Variants in MYO5B observed in about 807,000 individuals in gnomAD.
MYO5B encodes the protein myosin VB.
MYO5B carries 143 observed loss-of-function variants against 229.3 expected under a neutral mutation model. The observed-to-expected ratio is 0.62, with a 90% confidence interval of 0.54 to 0.72. The LOEUF is 0.72. Among genes scored for constraint, MYO5B ranks in the 30% least tolerant of loss-of-function variants. MYO5B has a pLI of 0.00. For synonymous variants in MYO5B, 918 were observed against 885.2 expected, an observed-to-expected ratio of 1.04 and a Z score of -0.66; for missense variants, 2,321 against 2,331.0, an observed-to-expected ratio of 1.00 and a Z score of 0.09.
chr18:49,968,537 C>A (rs1364782381), intron 10 of MYO5B, among the ~76,000 whole-genome samples: 1 of 152,144 alleles, frequency 6.6e-6, no homozygotes, highest in Non-Finnish European at 1.5e-5. Context: ...GGGGTGATTA[C>A]CCTTATCTTG....
intron 22 of MYO5B, among the ~76,000 whole-genome samples, chr18:49,891,337 C>T (rs1481864932): frequency 1.3e-5 from 2 of 152,238 alleles, no homozygotes; most frequent in Non-Finnish European, 2.9e-5. Context: ...GGTCACCCTC[C>T]ATCCCCTTTA....
intron 1 of MYO5B, among the ~76,000 whole-genome samples, chr18:50,188,811 A>C (rs1001652733): frequency 3.0e-4 from 22 of 73,270 alleles, no homozygotes; most frequent in Admixed American, 7.2e-4. Flanking sequence ...AAAAAAAAAA[A>C]AAAAAACACA....
intron 9 of MYO5B, among the ~76,000 whole-genome samples, chr18:49,979,169 C>T (rs1406237816): frequency 6.6e-6 from 1 of 152,194 alleles, no homozygotes; most frequent in Admixed American, 6.5e-5. Context: ...CATGGCATCA[C>T]TGCTGCCAAC....
intron 22 of MYO5B, among the ~76,000 whole-genome samples, chr18:49,887,932 C>T (rs926006613): frequency 6.6e-6 from 1 of 152,078 alleles, no homozygotes; most frequent in Admixed American, 6.5e-5. Flanking sequence ...GTGATCCACC[C>T]ACCTCAGCCT....
intron 1 of MYO5B, among the ~76,000 whole-genome samples, chr18:50,127,558 G>A (rs1329683013): frequency 1.3e-5 from 2 of 152,190 alleles, no homozygotes; most frequent in Non-Finnish European, 2.9e-5. Flanking sequence ...ACTAATTGCT[G>A]AGCCCTGGTG....
At chr18:50,033,844 A>G (rs2026417929) in intron 4 of MYO5B, among the ~76,000 whole-genome samples, 2 of 151,814 alleles carry the variant, frequency 1.3e-5, no homozygotes, top group South Asian at 4.2e-4. Context: ...ACAGTGAACA[A>G]ATCCTCTTCT....
At chr18:49,858,349 A>G (rs1340385537) in intron 29 of MYO5B, among the ~76,000 whole-genome samples, 1 of 152,128 alleles carries the variant, frequency 6.6e-6, no homozygotes, top group East Asian at 1.9e-4. Flanking sequence ...GCACCACTGC[A>G]GTGATTCTTG....
intron 1 of MYO5B, among the ~76,000 whole-genome samples, chr18:50,101,609 GA>G (rs1230262779): frequency 1.3e-5 from 2 of 151,940 alleles, no homozygotes; most frequent in Non-Finnish European, 2.9e-5. Flanking sequence ...CTCAAAAGAA[GA>G]CATATTTATG....
At chr18:50,035,668 T>G (rs1003978358) in intron 4 of MYO5B, among the ~76,000 whole-genome samples, 12 of 152,220 alleles carry the variant, frequency 7.9e-5, no homozygotes, top group Admixed American at 7.2e-4. Context: ...AAGGGACTCC[T>G]AGTTGAGCCC....
At chr18:49,893,162 G>A (rs1429458400) in intron 22 of MYO5B, among the ~76,000 whole-genome samples, 2 of 152,186 alleles carry the variant, frequency 1.3e-5, no homozygotes, top group Admixed American at 1.3e-4. Context: ...GCAGGGACGC[G>A]GGGCTGGGAA....
At chr18:49,912,483 G>A (rs763100624) in intron 17 of MYO5B, among the ~76,000 whole-genome samples, 3 of 152,154 alleles carry the variant, frequency 2.0e-5, no homozygotes, top group Non-Finnish European at 4.4e-5. Context: ...AAATCTCATC[G>A]TGAATTGTAC....
chr18:50,090,921 A>G (rs1177300649), intron 1 of MYO5B, among the ~76,000 whole-genome samples: 1 of 152,222 alleles, frequency 6.6e-6, no homozygotes, highest in Non-Finnish European at 1.5e-5. Flanking sequence ...CTTTTTCAGC[A>G]GAAACAATTC....
At chr18:50,006,930 C>G (rs1420157474) in intron 4 of MYO5B, among the ~76,000 whole-genome samples, 2 of 152,220 alleles carry the variant, frequency 1.3e-5, no homozygotes, top group African/African-American at 4.8e-5. Flanking sequence ...TATATGTACA[C>G]AGAACCCACA....
At chr18:50,007,896 A>G (rs1033068626) in intron 4 of MYO5B, among the ~76,000 whole-genome samples, 1 of 152,240 alleles carries the variant, frequency 6.6e-6, no homozygotes, top group Non-Finnish European at 1.5e-5. Context: ...CCCATTTTAA[A>G]TAAGAGAAAA....
At chr18:50,123,720 G>A (rs2032108946) in intron 1 of MYO5B, among the ~76,000 whole-genome samples, 1 of 152,052 alleles carries the variant, frequency 6.6e-6, no homozygotes, top group South Asian at 2.1e-4. Flanking sequence ...AAAAAGTTAA[G>A]GCTCTATAAG....
intron 12 of MYO5B, among the ~76,000 whole-genome samples, chr18:49,958,512 C>G (rs2025521266): frequency 6.6e-6 from 1 of 152,192 alleles, no homozygotes; most frequent in Non-Finnish European, 1.5e-5. Flanking sequence ...AGAAACTCAT[C>G]TGCACCCACA....
chr18:50,194,932 C>T lies in MYO5B; in HGVS notation c.-139G>A, dbSNP rs2033282266. The T allele has an allele frequency of 8.5e-7, 1 of 1,171,090 alleles. No individual in the cohort carries two copies. The highest frequency in any genetic ancestry group is 1.1e-6 in the Non-Finnish European group (1 of 940,734). The allele number at this position is 1,171,090 out of a possible 1,614,324, so 72.5% of individuals were successfully genotyped here. ...CTCGCTCTTCTCCGACCTGCCCCGC[C>T]GGCTTCCCGCAGGCGCCGCGGCCGG... On this transcript the variant is annotated 5_prime_UTR_variant, in exon 1 of 40. Transcript: ENST00000285039.
chr18:49,828,875 T>C (rs2023880218), intron 39 of MYO5B, among the ~76,000 whole-genome samples: 1 of 151,148 alleles, frequency 6.6e-6, no homozygotes, highest in Non-Finnish European at 1.5e-5. Flanking sequence ...GGGATAAACA[T>C]AGTGCTAAAA....
intron 16 of MYO5B, among the ~76,000 whole-genome samples, chr18:49,932,124 C>A (rs1242852155): frequency 6.6e-6 from 1 of 152,154 alleles, no homozygotes; most frequent in Non-Finnish European, 1.5e-5. Context: ...TCATTGAGAA[C>A]CCCGTCATTC....
Sources: allele counts gnomAD v4.1 joint callset (sites outside exome capture counted in the v4.1 genomes callset), GRCh38; gene constraint gnomAD v4.1.1; transcripts MANE v1.5; gene names NCBI Gene and HGNC (gene_info 2026-07-23, HGNC 2026-07-21).